Variants in LRBA observed in about 807,000 individuals in gnomAD.
LRBA encodes the protein LPS responsive beige-like anchor protein.
Under a neutral mutation model 330.0 loss-of-function variants are expected in LRBA, and 176 were observed. That is an observed-to-expected ratio of 0.53 (90% confidence interval 0.47 to 0.60). The LOEUF is 0.60. Among genes scored for constraint, LRBA ranks in the 20% least tolerant of loss-of-function variants. The pLI, the probability that LRBA is intolerant of heterozygous loss-of-function variation, is 0.00. For synonymous variants in LRBA, 1,230 were observed against 1,193.0 expected, an observed-to-expected ratio of 1.03 and a Z score of -0.64; for missense variants, 3,259 against 3,444.8, an observed-to-expected ratio of 0.95 and a Z score of 1.35.
rs372981450 is a variant in LRBA, at chr4:150,275,232, C to CA, written c.8468+2620_8468+2621insT. Among the ~76,000 whole-genome samples the CA allele has an allele frequency of 4.2e-3, 635 of 152,288 alleles. 3 individuals carry two copies. Among genetic ancestry groups the CA allele is most frequent in the African/African-American group, 0.014 (572 of 41,556 alleles). Reference sequence around the variant, plus strand: ...AGGCCTTCAACAAAATTCACCACCCCTTCATCCTAAAAACTCTCAATAAAC... The same window carrying CA: ...AGGCCTTCAACAAAATTCACCACCCCATTCATCCTAAAAACTCTCAATAAAC... On this transcript the variant is annotated intron_variant, in intron 56 of 56. Coordinates refer to ENST00000651943, the MANE Select transcript of LRBA (RefSeq NM_001364905.1).
chr4:150,526,097 A>G (rs531387956), intron 40 of LRBA, among the ~76,000 whole-genome samples: 7 of 152,314 alleles, frequency 4.6e-5, no homozygotes, highest in Admixed American at 4.6e-4. Context: ...CAATTATACA[A>G]AATAGAATAA....
At position 150,277,742 on chromosome 4, in the gene LRBA, T is replaced by C. The variant is rs562263514; in HGVS notation, c.8468+111A>G. 174 of 1,110,636 alleles carry C rather than the reference T, an allele frequency of 1.6e-4. 1 individual carries two copies. Among genetic ancestry groups the C allele is most frequent in the Middle Eastern group, 6.7e-4 (3 of 4,468 alleles). The allele number at this position is 1,110,636 out of a possible 1,614,324, so 68.8% of individuals were successfully genotyped here. A position where few individuals can be genotyped will look rare whatever the true frequency, so the allele number is the denominator to read the frequency against. On this transcript the variant is annotated intron_variant, in intron 56 of 56. Coordinates refer to ENST00000651943, the MANE Select transcript of LRBA (RefSeq NM_001364905.1). ...GCTTCGAACTCCTGGGCTCAAGTGA[T>C]TCTCCTGCCTCAGCCTCCCAAAGTA...
chr4:150,457,872 T>C (rs947507044), intron 44 of LRBA, among the ~76,000 whole-genome samples: 1 of 151,958 alleles, frequency 6.6e-6, no homozygotes, highest in African/African-American at 2.4e-5. Context: ...ACAATTCATT[T>C]ATAAATAATA....
chr4:150,581,180 G>C (rs1199529945), intron 40 of LRBA: 1 of 209,732 alleles, frequency 4.8e-6, no homozygotes, highest in African/African-American at 2.3e-5. Context: ...TTCTTGTAAC[G>C]ATAAAATAAT....
intron 17 of LRBA, among the ~76,000 whole-genome samples, chr4:150,875,518 C>T (rs2127020305): frequency 6.6e-6 from 1 of 152,264 alleles, no homozygotes; most frequent in East Asian, 1.9e-4. Flanking sequence ...TATACCCAGC[C>T]ACATTGGCCA....
chr4:150,953,801 A>T (rs1447610095), intron 2 of LRBA, among the ~76,000 whole-genome samples: 2 of 147,574 alleles, frequency 1.4e-5, no homozygotes, highest in Non-Finnish European at 3.0e-5. Context: ...AGGAAGTGAG[A>T]AGCGTCTCTG....
intron 56 of LRBA, among the ~76,000 whole-genome samples, chr4:150,273,951 A>C (rs1746447547): frequency 6.6e-6 from 1 of 152,190 alleles, no homozygotes; most frequent in Non-Finnish European, 1.5e-5. Flanking sequence ...GCTCTGGACC[A>C]AGCAGACCTA....
intron 47 of LRBA, among the ~76,000 whole-genome samples, chr4:150,411,583 T>A (rs952868862): frequency 3.9e-5 from 6 of 152,162 alleles, no homozygotes; most frequent in Non-Finnish European, 8.8e-5. Context: ...TGCAACACTA[T>A]ATCCCTGTTC....
intron 35 of LRBA, among the ~76,000 whole-genome samples, chr4:150,745,293 TATAAAATAAGCAATACAA>T (rs1732538591): frequency 6.6e-6 from 1 of 152,218 alleles, no homozygotes; most frequent in African/African-American, 2.4e-5. Flanking sequence ...GGGAATTTGT[TATAAAATAAGCAATACAA>T]ATAAAATTAG....
chr4:150,455,229 G>GT (rs967023221), intron 44 of LRBA, among the ~76,000 whole-genome samples: 94 of 151,064 alleles, frequency 6.2e-4, no homozygotes, highest in African/African-American at 2.2e-3. Flanking sequence ...GTGGTGTTTG[G>GT]TTTTTTGTTC....
In LRBA at chr4:150,806,337, A is replaced by T; in HGVS notation, c.5452T>A (p.Phe1818Ile). Residue 1818 changes from phenylalanine (F) to isoleucine (I), a missense_variant, in exon 33 of 57, where the codon TTT becomes ATT. Transcript: ENST00000651943. ...APLLREIFVD[F>I]APFLSRTLLG... is the part of the protein sequence containing the mutation. ...AGTGTCCGAGAAAGAAAAGGTGCAA[A>T]ATCCACAAAAATCTCACGAAGGAGA... is the stretch of plus-strand genomic sequence containing the variant. 6.2e-7 allele frequency: 1 copy of T among 1,609,886 alleles called. No homozygotes were observed. Among genetic ancestry groups the T allele is most frequent in the Non-Finnish European group, 8.5e-7 (1 of 1,178,046 alleles).
At chr4:150,680,369 A>G (rs1399467221) in intron 37 of LRBA, among the ~76,000 whole-genome samples, 5 of 152,214 alleles carry the variant, frequency 3.3e-5, no homozygotes, top group Non-Finnish European at 5.9e-5. Context: ...GAGAGAGAGA[A>G]AGAACTCTCA....
intron 53 of LRBA, among the ~76,000 whole-genome samples, chr4:150,286,321 C>G (rs1369495096): frequency 2.6e-5 from 4 of 152,178 alleles, no homozygotes; most frequent in Non-Finnish European, 5.9e-5. Context: ...CATAAAAAAT[C>G]AGCCCCTCAA....
At chr4:150,446,704 G>A (rs955379543) in intron 44 of LRBA, among the ~76,000 whole-genome samples, 2 of 152,088 alleles carry the variant, frequency 1.3e-5, no homozygotes, top group Admixed American at 6.6e-5. Flanking sequence ...TCCACTAGTC[G>A]AATAAAACGG....
chr4:150,584,076 T>A, intron 40 of LRBA: 1 of 1,557,982 alleles, frequency 6.4e-7, no homozygotes, highest in Non-Finnish European at 8.7e-7. Flanking sequence ...CCAGGGAAAT[T>A]CTCACCAATC....
intron 40 of LRBA, among the ~76,000 whole-genome samples, chr4:150,555,973 G>T (rs1015668530): frequency 1.3e-5 from 2 of 151,666 alleles, no homozygotes; most frequent in African/African-American, 4.8e-5. Context: ...GGTTAATTCT[G>T]TTCATTTTTT....
At chr4:150,414,494 A>AT (rs1432704889) in intron 47 of LRBA, among the ~76,000 whole-genome samples, 2 of 151,896 alleles carry the variant, frequency 1.3e-5, no homozygotes, top group African/African-American at 4.8e-5. Context: ...AATTTATTTT[A>AT]TTTTTTATTT....
rs1486054584 is a variant in LRBA, at chr4:150,436,807, A to G, written c.6838T>C (p.Trp2280Arg). The change falls in exon 45 of 57, where the codon TGG (tryptophan) becomes CGG (arginine). Residue 2280 changes from tryptophan (W) to arginine (R), a missense_variant. Physicochemically the swap from Trp to Arg is moderately radical, Grantham distance 101 (BLOSUM62 -3). Coordinates refer to ENST00000651943, the MANE Select transcript of LRBA (RefSeq NM_001364905.1). ...AACTTTGGAACTTGATCATCTTCCC[A>G]TGATTCATAACGCTCAGCGAAGAAT... is the stretch of plus-strand genomic sequence containing the variant. ...AAFFAERYES[W>R]EDDQVPKFHY... is the part of the protein sequence containing the mutation. 1.9e-6 allele frequency: 3 copies of G among 1,613,780 alleles called. No individual in the cohort carries two copies. Among genetic ancestry groups the G allele is most frequent in the South Asian group, 1.1e-5 (1 of 91,056 alleles).
At chr4:150,267,208 A>G (rs1745460271) in intron 56 of LRBA, among the ~76,000 whole-genome samples, 1 of 152,236 alleles carries the variant, frequency 6.6e-6, no homozygotes, top group Non-Finnish European at 1.5e-5. Context: ...ACACGTATAT[A>G]GAACACCTTC....
Sources: gnomAD v4.1 joint callset for allele counts (sites outside exome capture counted in the v4.1 genomes callset) on GRCh38, gnomAD v4.1.1 for gene constraint, MANE v1.5 for transcripts, NCBI Gene and HGNC (gene_info 2026-07-23, HGNC 2026-07-21) for gene names.